The following SLC9D1 variants were observed in gnomAD, a reference collection of about 807,000 sequenced individuals.
The protein encoded by SLC9D1 is putative LAG1-interacting protein.
chr13:113,512,897 A>C, the SLC9D1 span, among the ~76,000 whole-genome samples: 1 of 151,020 alleles, frequency 6.6e-6, no homozygotes, highest in Admixed American at 6.6e-5. Flanking sequence ...GTATATATGG[A>C]CTCGGAGCCC....
the SLC9D1 span, among the ~76,000 whole-genome samples, chr13:113,543,646 T>C: frequency 1.3e-5 from 2 of 148,906 alleles, no homozygotes; most frequent in Non-Finnish European, 3.0e-5. Context: ...GGATCAGGCC[T>C]GACCTGATTT....
chr13:113,535,814 G>A, the SLC9D1 span, among the ~76,000 whole-genome samples: 7 of 152,052 alleles, frequency 4.6e-5, no homozygotes, highest in East Asian at 1.9e-4. This position sits in a 1 kb window ranked among gnomAD's most constrained non-coding sequence, Gnocchi z 4.1. Flanking sequence ...CGCTGTCTTC[G>A]CTGTGTCTGT....
chr13:113,510,210 G>T, the SLC9D1 span: 1 of 1,601,736 alleles, frequency 6.2e-7, no homozygotes. Context: ...TCACTAAAAA[G>T]TGTGTGACTC....
At chr13:113,520,356 C>A in the SLC9D1 span, among the ~76,000 whole-genome samples, 1 of 151,760 alleles carries the variant, frequency 6.6e-6, no homozygotes, top group Admixed American at 6.6e-5. Flanking sequence ...TGATGGCAGG[C>A]GCCTATAATC....
the SLC9D1 span, chr13:113,495,448 G>T: frequency 4.0e-5 from 26 of 641,994 alleles, no homozygotes; most frequent in Non-Finnish European, 6.4e-5. Flanking sequence ...TTAATACTCT[G>T]ATCAATAGTA....
At chr13:113,539,362 G>C in the SLC9D1 span, 379 of 1,612,288 alleles carry the variant, frequency 2.4e-4, no homozygotes, top group African/African-American at 4.5e-3. This position sits in a 1 kb window ranked among gnomAD's most constrained non-coding sequence, Gnocchi z 4.8. Flanking sequence ...CTCAGGTCAC[G>C]GAGCTGCTGG....
At chr13:113,501,633 C>T in the SLC9D1 span, 5 of 753,248 alleles carry the variant, frequency 6.6e-6, no homozygotes, top group East Asian at 1.3e-4. Context: ...TTTGTCTTCA[C>T]CCTTCATTCC....
At chr13:113,548,813 G>A in the SLC9D1 span, among the ~76,000 whole-genome samples, 1 of 152,230 alleles carries the variant, frequency 6.6e-6, no homozygotes, top group Non-Finnish European at 1.5e-5. Flanking sequence ...AGAGCTGGGT[G>A]GAGGTTCCTG....
chr13:113,517,343 C>T, the SLC9D1 span, among the ~76,000 whole-genome samples: 65 of 152,284 alleles, frequency 4.3e-4, no homozygotes, highest in South Asian at 0.013. Context: ...CGCCATTCTC[C>T]TGCCTCAGCC....
chr13:113,545,536 T>C, the SLC9D1 span, among the ~76,000 whole-genome samples: 96 of 152,340 alleles, frequency 6.3e-4, 2 homozygotes, highest in East Asian at 0.018. Context: ...TGGAATGCAT[T>C]AGGCTCCATA....
At chr13:113,526,000 A>ACCT in the SLC9D1 span, among the ~76,000 whole-genome samples, 1 of 150,978 alleles carries the variant, frequency 6.6e-6, no homozygotes, top group African/African-American at 2.5e-5. Flanking sequence ...CGGTTATTCT[A>ACCT]GAAGAAGCCG....
the SLC9D1 span, among the ~76,000 whole-genome samples, chr13:113,513,735 A>G: frequency 6.6e-6 from 1 of 152,224 alleles, no homozygotes; most frequent in African/African-American, 2.4e-5. Flanking sequence ...ATTCATAAAG[A>G]TGTCACTTCT....
chr13:113,533,833 CA>C, the SLC9D1 span, among the ~76,000 whole-genome samples: 5 of 152,202 alleles, frequency 3.3e-5, no homozygotes, highest in Admixed American at 2.0e-4. Flanking sequence ...GTATTGACTG[CA>C]AACCAATGCA....
At chr13:113,528,075 T>C in the SLC9D1 span, 2 of 152,248 alleles carry the variant, frequency 1.3e-5, no homozygotes, top group African/African-American at 4.8e-5. Context: ...TGTGGCCTTT[T>C]GAAGCGTTTT....
At chr13:113,528,414 T>C in the SLC9D1 span, 2 of 152,228 alleles carry the variant, frequency 1.3e-5, no homozygotes, top group African/African-American at 4.8e-5. Context: ...TTTTGCCAGA[T>C]CTTCTGTTAC....
At chr13:113,522,807 T>A in the SLC9D1 span, among the ~76,000 whole-genome samples, 2 of 151,982 alleles carry the variant, frequency 1.3e-5, no homozygotes, top group Non-Finnish European at 2.9e-5. Context: ...AATTTTCATA[T>A]TTTTAGTAGA....
At chr13:113,510,617 A>G in the SLC9D1 span, among the ~76,000 whole-genome samples, 1 of 152,180 alleles carries the variant, frequency 6.6e-6, no homozygotes, top group Non-Finnish European at 1.5e-5. Flanking sequence ...AGCTCCTCCA[A>G]ACCTCCACTT....
the SLC9D1 span, among the ~76,000 whole-genome samples, chr13:113,521,873 A>T: frequency 6.6e-6 from 1 of 152,312 alleles, no homozygotes; most frequent in South Asian, 2.1e-4. Context: ...AATATACTAT[A>T]CTTTATGTAT....
chr13:113,525,083 G>A, the SLC9D1 span, among the ~76,000 whole-genome samples: 1 of 152,150 alleles, frequency 6.6e-6, no homozygotes, highest in Non-Finnish European at 1.5e-5. Context: ...ACTTATCACT[G>A]TTTGCTGGAA....
Sources: gnomAD v4.1 joint callset for allele counts (sites outside exome capture counted in the v4.1 genomes callset) on GRCh38, gnomAD v4.1.1 for gene constraint, Gnocchi (gnomAD v3.1) non-coding constraint, MANE v1.5 for transcripts, NCBI Gene and HGNC (gene_info 2026-07-23, HGNC 2026-07-21) for gene names.